Variants in DLG3 observed in about 807,000 individuals in gnomAD.
DLG3 encodes the protein disks large homolog 3.
Under a neutral mutation model 64.1 loss-of-function variants are expected in DLG3, and 1 was observed. That is an observed-to-expected ratio of 0.02 (90% CI 0.01 to 0.07). The LOEUF is 0.07. Ranked by LOEUF, DLG3 falls within the 10% of genes least tolerant of loss-of-function variation. DLG3 has a pLI of 1.00. For missense variants in DLG3, 429 were observed against 669.5 expected (o/e 0.64, Z 3.96); for synonymous variants, 245 against 259.8 (o/e 0.94, Z 0.55).
chrX:70,459,664 C>A (rs2086770132), intron 9 of DLG3, among the ~76,000 whole-genome samples: 2 of 112,065 alleles, frequency 1.8e-5, no homozygotes, highest in Non-Finnish European at 3.8e-5. Flanking sequence ...TGGAGCCTGG[C>A]AAATAGTTTG....
At chrX:70,455,039 C>T in intron 9 of DLG3, 4 of 753,890 alleles carry the variant, frequency 5.3e-6, no homozygotes, top group Non-Finnish European at 6.3e-6. Flanking sequence ...GGGCGGCCTC[C>T]AGCCGCATGC....
intron 9 of DLG3, among the ~76,000 whole-genome samples, chrX:70,474,803 A>C (rs2087026766): frequency 8.9e-6 from 1 of 111,954 alleles, no homozygotes; most frequent in Admixed American, 9.5e-5. Flanking sequence ...CAAAAGGCTC[A>C]TTAAACTGTT....
chrX:70,465,919 C>A (rs766673079), intron 9 of DLG3, among the ~76,000 whole-genome samples: 5 of 111,829 alleles, frequency 4.5e-5, no homozygotes, highest in East Asian at 5.6e-4. Flanking sequence ...TTTGATATTA[C>A]ACAAAACATT....
chrX:70,470,659 T>A (rs1269585675), intron 9 of DLG3, among the ~76,000 whole-genome samples: 1 of 112,396 alleles, frequency 8.9e-6, no homozygotes, highest in Non-Finnish European at 1.9e-5. Flanking sequence ...GTTTCCTGTC[T>A]CTACAATATT....
chrX:70,470,214 C>T (rs1326249125), intron 9 of DLG3, among the ~76,000 whole-genome samples: 1 of 111,204 alleles, frequency 9.0e-6, no homozygotes, highest in Non-Finnish European at 1.9e-5. Flanking sequence ...GTTGCTTCCC[C>T]AGTGTCATCG....
At chrX:70,479,587 T>A (rs1456935563) in intron 10 of DLG3, among the ~76,000 whole-genome samples, 1 of 111,606 alleles carries the variant, frequency 9.0e-6, no homozygotes, top group Non-Finnish European at 1.9e-5. Flanking sequence ...AATCTGTGCT[T>A]TGAGGGGAAA....
chrX:70,482,285 G>A (rs1425737877), intron 10 of DLG3, among the ~76,000 whole-genome samples: 1 of 112,444 alleles, frequency 8.9e-6, no homozygotes, highest in Non-Finnish European at 1.9e-5. Flanking sequence ...GCAATAATCT[G>A]AACATGATCT....
chrX:70,501,413 C>CTGTGTGTGTGTGTGTGTGTGTG lies in DLG3; in HGVS notation c.2347+432_2347+453dup, dbSNP rs58272461. The stretch of plus-strand genomic sequence containing the variant: ...TCTGTTGGGGTGTCTGTCTGTCTGT[C>CTGTGTGTGTGTGTGTGTGTGTG]TGTGTGTGTGTGTGTGTGTGTGTGT... On this transcript the variant is annotated intron_variant, in intron 18 of 18. Transcript: ENST00000374360. Among the ~76,000 whole-genome samples, 136 of 93,890 alleles carry CTGTGTGTGTGTGTGTGTGTGTG rather than the reference C, an allele frequency of 1.4e-3. 1 individual carries two copies. Among genetic ancestry groups the CTGTGTGTGTGTGTGTGTGTGTG allele is most frequent in the African/African-American group, 5.4e-3 (132 of 24,444 alleles). 81.5% of individuals were successfully genotyped at this position (93,890 alleles called of 115,157 possible).
intron 10 of DLG3, among the ~76,000 whole-genome samples, chrX:70,483,181 G>C (rs1430565861): frequency 2.7e-5 from 3 of 111,442 alleles, no homozygotes. Flanking sequence ...CTACTCAGGG[G>C]GCTAAGGCAG....
In DLG3 at chrX:70,450,746, C is replaced by A; in HGVS notation, c.948C>A (p.His316Gln). ...AGGTGGCCAAGCCAGGCAGCCTCCA[C>A]CTCAACGACATGTACGCTCCCCCTG... is the stretch of plus-strand genomic sequence containing the variant. ...YLKVAKPGSLHLNDMYAPPDY... is the reference protein window; with the variant it reads ...YLKVAKPGSLQLNDMYAPPDY... Residue 316 changes from histidine to glutamine, a missense_variant, in exon 6 of 19, where the codon CAC becomes CAA. Physicochemically the swap from His to Gln is conservative, Grantham distance 24. Coordinates refer to ENST00000374360, the MANE Select transcript of DLG3 (RefSeq NM_021120.4). 1 of 1,211,795 alleles carries A rather than the reference C, an allele frequency of 8.3e-7. No individual in the cohort carries two copies.
intron 9 of DLG3, among the ~76,000 whole-genome samples, chrX:70,461,722 G>C (rs776350570): frequency 1.8e-5 from 2 of 110,244 alleles, no homozygotes; most frequent in South Asian, 4.0e-4. Flanking sequence ...CATCATGCCC[G>C]GCTAATTTTT....
intron 9 of DLG3, among the ~76,000 whole-genome samples, chrX:70,470,054 G>T (rs912652180): frequency 8.9e-5 from 10 of 111,858 alleles, no homozygotes; most frequent in African/African-American, 3.2e-4. Flanking sequence ...ACTAAAACAC[G>T]AGCCATTATT....
At chrX:70,472,109 A>G (rs2086980813) in intron 9 of DLG3, among the ~76,000 whole-genome samples, 1 of 111,981 alleles carries the variant, frequency 8.9e-6, no homozygotes, top group Admixed American at 9.5e-5. Flanking sequence ...CTCCCATTTT[A>G]TTCAGTAGTC....
In DLG3 at chrX:70,448,790, G is replaced by A; in HGVS notation, c.358-123G>A. 8.2e-6 allele frequency: 8 copies of A among 978,814 alleles called. No individual in the cohort carries two copies. In the South Asian group the frequency reaches 1.6e-4, roughly 20 times the overall value. 80.7% of individuals were successfully genotyped at this position (978,814 alleles called of 1,213,427 possible). On this transcript the variant is annotated intron_variant, in intron 1 of 18. Coordinates refer to ENST00000374360, the MANE Select transcript of DLG3 (RefSeq NM_021120.4). ...AGCCTGTCCTCATCTGTGGCCAAGA[G>A]GTGACCTGGGGTGCACTTGGGCTCT...
chrX:70,479,388 C>G (rs887718852), intron 10 of DLG3, 124 bp downstream of exon 10: 39 of 566,519 alleles, frequency 6.9e-5, no homozygotes, highest in African/African-American at 2.5e-4. Flanking sequence ...TAACGCTTCT[C>G]ACTGTATGCT....
intron 14 of DLG3, 56 bp from the exon 15 acceptor site, chrX:70,499,120 G>C: frequency 2.2e-6 from 2 of 904,364 alleles, no homozygotes; most frequent in Non-Finnish European, 3.2e-6. Context: ...CTCAGGGGTA[G>C]GACAGGCTGT....
At chrX:70,454,757 C>T (rs1162815984) in intron 9 of DLG3, among the ~76,000 whole-genome samples, 5 of 112,379 alleles carry the variant, frequency 4.4e-5, no homozygotes. Flanking sequence ...ACTCCCCTCC[C>T]CTCATCAAGA....
chrX:70,499,335 T>A, intron 15 of DLG3, 58 bp downstream of exon 15: 1 of 887,245 alleles, frequency 1.1e-6, no homozygotes, highest in Non-Finnish European at 1.7e-6. Context: ...ATTGTTGCTC[T>A]AATGTTTTAT....
rs1405761625 is a variant in DLG3 at position 70,502,968 on chromosome X, G to C, written c.*699G>C. 1.8e-5 allele frequency: 2 copies of C among 110,815 alleles called. No homozygotes were observed. The highest frequency in any genetic ancestry group is 3.8e-5 in the Non-Finnish European group (2 of 52,942). The allele number at this position is 110,815 out of a possible 1,213,427, so 9.1% of individuals were successfully genotyped here. ...TCTTCTATCCCAGCTGGTTGGGAAG[G>C]GATTGAAGATGGTAGCAAGTGCTGC... On this transcript the variant is annotated 3_prime_UTR_variant, in exon 19 of 19. Transcript: ENST00000374360.
Sources: gnomAD v4.1 joint callset for allele counts (sites outside exome capture counted in the v4.1 genomes callset) on GRCh38, gnomAD v4.1.1 for gene constraint, MANE v1.5 for transcripts, NCBI Gene and HGNC (gene_info 2026-07-23, HGNC 2026-07-21) for gene names.